The following CACNA1F variants were observed in gnomAD, a reference collection of about 807,000 sequenced individuals.
The protein encoded by CACNA1F is voltage-dependent L-type calcium channel subunit alpha-1F.
CACNA1F carries 59 observed loss-of-function variants against 143.8 expected under a neutral mutation model. That is an observed-to-expected ratio of 0.41 (90% confidence interval 0.33 to 0.51). CACNA1F has a LOEUF of 0.51. Ranked by LOEUF, CACNA1F falls within the 20% of genes least tolerant of loss-of-function variation. The probability of loss-of-function intolerance (pLI) is 0.22; values close to 1 mark genes in which losing one functional copy is unlikely to be tolerated. For missense variants in CACNA1F, 1,411 were observed against 1,647.5 expected (o/e 0.86, Z 2.48); for synonymous variants, 643 against 649.1 (o/e 0.99, Z 0.14).
In CACNA1F at chrX:49,212,124, T is replaced by C. The variant is rs1232975114; in HGVS notation, c.4008+119A>G. The C allele has an allele frequency of 1.9e-5, 15 of 787,486 alleles. No homozygotes were observed. In the Admixed American group the frequency reaches 3.2e-4, roughly 17 times the overall value. 64.9% of individuals were successfully genotyped at this position (787,486 alleles called of 1,213,427 possible). A position where few individuals can be genotyped will look rare whatever the true frequency, so the allele number is the denominator to read the frequency against. On this transcript the variant is annotated intron_variant, in intron 34 of 47. Transcript: ENST00000323022. ...TGATCTCATTTCACAGATGTGTAGATTGACCCAGGGCCGTCCAGCTTGTCT... is the reference window on the plus strand; with the variant it reads ...TGATCTCATTTCACAGATGTGTAGACTGACCCAGGGCCGTCCAGCTTGTCT...
At chrX:49,228,912 A>G (rs2065851234) in intron 6 of CACNA1F, among the ~76,000 whole-genome samples, 1 of 112,161 alleles carries the variant, frequency 8.9e-6, no homozygotes, top group Non-Finnish European at 1.9e-5. Context: ...CTTCTAGGGC[A>G]GAACCCTGCG....
chrX:49,227,918 C>T, intron 8 of CACNA1F, 118 bp downstream of exon 8: 1 of 545,195 alleles, frequency 1.8e-6, no homozygotes, highest in Non-Finnish European at 3.3e-6. Context: ...AATAGATGCT[C>T]ATGATTGAAT....
chrX:49,206,172 C>G (rs1387012771), intron 46 of CACNA1F, among the ~76,000 whole-genome samples: 2 of 109,941 alleles, frequency 1.8e-5, no homozygotes, highest in African/African-American at 3.3e-5. Context: ...ACAGGCGGAT[C>G]ACCTGAGGTC....
At chrX:49,231,577 G>A in intron 2 of CACNA1F, 101 bp downstream of exon 2, 1 of 1,058,077 alleles carries the variant, frequency 9.5e-7, no homozygotes, top group Non-Finnish European at 1.3e-6. Context: ...TCTTGACCTT[G>A]ATGATCTCAG....
intron 33 of CACNA1F, 102 bp downstream of exon 33, chrX:49,212,565 T>A: frequency 2.2e-6 from 2 of 890,238 alleles, no homozygotes; most frequent in Non-Finnish European, 1.6e-6. Context: ...TGGAAATGGG[T>A]ATGGCATGTT....
rs2065661917 is a variant in CACNA1F, at chrX:49,212,000, A to C, written c.4009-11T>G. ...CACCTTGCCGAACATCTGTGGACAC[A>C]TCAAGGCTGTGTCAGTGGGGTGAAC... On this transcript the variant is annotated splice_polypyrimidine_tract_variant and intron_variant, in intron 34 of 47. Coordinates refer to ENST00000323022, the MANE Select transcript of CACNA1F (RefSeq NM_001256789.3). 1.7e-6 allele frequency: 2 copies of C among 1,192,889 alleles called. No homozygotes were observed. Among genetic ancestry groups the C allele is most frequent in the Non-Finnish European group, 2.3e-6 (2 of 878,681 alleles).
chrX:49,231,631 C>T (rs782069974), intron 2 of CACNA1F, 47 bp downstream of exon 2: 3 of 1,200,396 alleles, frequency 2.5e-6, no homozygotes, highest in Admixed American at 2.2e-5. Context: ...ACTCCTGGTA[C>T]CCTGATGACC....
At position 49,205,740 on chromosome X, in the gene CACNA1F, G is replaced by A. The variant is rs2856748; in HGVS notation, c.5546C>T (p.Ala1849Val). The change falls in exon 47 of 48, where the codon GCG (alanine) becomes GTG (valine). Residue 1849 changes from alanine (A) to valine (V), a missense_variant. Around this residue, in one of 3 missense-constraint regions of CACNA1F, gnomAD observed 349 missense variants for 350.2 expected, o/e 1.00. Transcript: ENST00000323022. The stretch of plus-strand genomic sequence containing the variant: ...GGATCTGCCGAGGTACCCCTCCCCC[G>A]CTGCGCCCTCTTCCACCAACAACAG... ...APLLLVEEGA[A>V]GEGYLGRSSG... The A allele has an allele frequency of 5.7e-5, 68 of 1,201,940 alleles. No individual in the cohort carries two copies. The highest frequency in any genetic ancestry group is 2.3e-4 in the Middle Eastern group (1 of 4,329).
intron 11 of CACNA1F, 63 bp from the exon 12 acceptor site, chrX:49,226,306 G>A: frequency 8.9e-7 from 1 of 1,123,124 alleles, no homozygotes; most frequent in Admixed American, 2.2e-5. Context: ...CAGTGACTGG[G>A]GCCAGAGGTC....
chrX:49,232,004 C>G lies in CACNA1F; in HGVS notation c.26-77G>C, dbSNP rs782683146. ...CTGCTTCCTACCTGATCCTGTCCCT[C>G]TGTTTGAAGGAAGGAGAGAAGAGCA... On this transcript the variant is annotated intron_variant, in intron 1 of 47. Transcript: ENST00000323022. The G allele has an allele frequency of 2.6e-4, 262 of 1,010,761 alleles. No individual in the cohort carries two copies. In the African/African-American group the frequency reaches 4.6e-3, roughly 18 times the overall value. 83.3% of individuals were successfully genotyped at this position (1,010,761 alleles called of 1,213,427 possible).
chrX:49,231,011 G>A, intron 3 of CACNA1F, 22 bp from the exon 4 acceptor site: 3 of 1,096,301 alleles, frequency 2.7e-6, no homozygotes, highest in Non-Finnish European at 2.5e-6. Context: ...ACCGGGGGGC[G>A]GGTCGGGAAG....
At chrX:49,228,490 C>G (rs1303793618) in intron 6 of CACNA1F, 43 bp from the exon 7 acceptor site, 1 of 1,067,072 alleles carries the variant, frequency 9.4e-7, no homozygotes. Context: ...CAGGCCCACT[C>G]TCAGTCGCTG....
Position 49,224,952 on chromosome X carries a change from C to G in CACNA1F, c.1686G>C (p.Thr562=). 1 of 1,202,821 alleles carries G rather than the reference C, an allele frequency of 8.3e-7. No individual in the cohort carries two copies. Among genetic ancestry groups the G allele is most frequent in the Non-Finnish European group, 1.1e-6 (1 of 888,585 alleles). ...CGTACAATTTGAGAAGCATCTCCAC[C>G]GTGAACAGACAGAGCAACACTTTGT... ...YANKVLLCLF[T]VEMLLKLYGL... Residue 562 remains threonine, a synonymous_variant, in exon 14 of 48, where the codon ACG becomes ACC. Coordinates refer to ENST00000323022, the MANE Select transcript of CACNA1F (RefSeq NM_001256789.3).
intron 17 of CACNA1F, among the ~76,000 whole-genome samples, chrX:49,221,985 G>A (rs1557108836): frequency 4.9e-5 from 5 of 101,355 alleles, no homozygotes; most frequent in African/African-American, 2.1e-4. Flanking sequence ...CTCCATATCA[G>A]AATAAAAAAA....
At chrX:49,230,425 C>G in intron 5 of CACNA1F, 42 bp downstream of exon 5, 1 of 1,206,375 alleles carries the variant, frequency 8.3e-7, no homozygotes, top group Non-Finnish European at 1.1e-6. Flanking sequence ...CTCAGCCCCA[C>G]CCCCACCCTC....
chrX:49,207,985 G>C (rs1204075252), intron 43 of CACNA1F, among the ~76,000 whole-genome samples: 1 of 104,543 alleles, frequency 9.6e-6, no homozygotes, highest in Non-Finnish European at 2.0e-5. Context: ...CCTGAGGTCA[G>C]GAGTTCGAAA....
chrX:49,221,942 C>T (rs1403195426), intron 17 of CACNA1F, among the ~76,000 whole-genome samples: 2 of 109,157 alleles, frequency 1.8e-5, no homozygotes, highest in Non-Finnish European at 3.8e-5. Flanking sequence ...GAGATAGCAC[C>T]ACTGCACTCC....
chrX:49,222,874 C>T, intron 15 of CACNA1F, 36 bp from the exon 16 acceptor site: 1 of 1,210,938 alleles, frequency 8.3e-7, no homozygotes, highest in Non-Finnish European at 1.1e-6. Flanking sequence ...CTCTTGGACC[C>T]CCTCCAACTC....
At chrX:49,225,087 A>AG (rs2065811153) in intron 13 of CACNA1F, 101 bp from the exon 14 acceptor site, 1 of 554,401 alleles carries the variant, frequency 1.8e-6, no homozygotes. Flanking sequence ...AGCTGGTATC[A>AG]GGCCAGGTGC....
Sources: allele counts gnomAD v4.1 joint callset (sites outside exome capture counted in the v4.1 genomes callset), GRCh38; gene constraint gnomAD v4.1.1; regional missense constraint gnomAD v4.1.1; transcripts MANE v1.5; gene names NCBI Gene and HGNC (gene_info 2026-07-23, HGNC 2026-07-21).